FRMD6: variants seen among roughly 807,000 people sequenced by gnomAD.
FRMD6 encodes the protein FERM domain containing 6.
FRMD6 carries 37 observed loss-of-function variants against 73.2 expected under a neutral mutation model. The ratio of observed to expected loss-of-function variants is 0.51; its 90% confidence interval spans 0.39 to 0.66. The LOEUF is 0.66. FRMD6 is among the 30% of genes least tolerant of loss of function. The pLI, the probability that FRMD6 is intolerant of heterozygous loss-of-function variation, is 0.00. For missense variants in FRMD6, 714 were observed against 780.5 expected (o/e 0.91, Z 1.02); for synonymous variants, 273 against 282.2 (o/e 0.97, Z 0.33).
At chr14:51,620,699 A>T (rs946455291) in intron 2 of FRMD6, among the ~76,000 whole-genome samples, 7 of 152,170 alleles carry the variant, frequency 4.6e-5, no homozygotes, top group Admixed American at 1.3e-4. Context: ...CTTGTTGAGC[A>T]GTGGCAGTCC....
At chr14:51,404,406 C>A in the FRMD6 span, among the ~76,000 whole-genome samples, 1 of 151,970 alleles carries the variant, frequency 6.6e-6, no homozygotes, top group Non-Finnish European at 1.5e-5. Flanking sequence ...TTAAAATTTG[C>A]CAAATTTCTC....
intron 1 of FRMD6, among the ~76,000 whole-genome samples, chr14:51,531,026 C>T (rs1487029276): frequency 6.6e-6 from 1 of 152,124 alleles, no homozygotes; most frequent in Non-Finnish European, 1.5e-5. Context: ...GGCAGAAGGG[C>T]AAAGAGGGTG....
chr14:51,680,238 C>T (rs1397672290), intron 1 of FRMD6, among the ~76,000 whole-genome samples: 1 of 152,160 alleles, frequency 6.6e-6, no homozygotes, highest in Non-Finnish European at 1.5e-5. Context: ...CAGGCCTCTC[C>T]ACTAGGGCCC....
Position 51,704,941 on chromosome 14 carries a change from C to T in FRMD6, c.558+6C>T, listed in dbSNP as rs1209685041. 2 of 1,592,294 alleles carry T rather than the reference C, an allele frequency of 1.3e-6. No homozygotes were observed. The highest frequency in any genetic ancestry group is 1.1e-5 in the South Asian group (1 of 90,028). On this transcript the variant is annotated splice_donor_region_variant and intron_variant, in intron 6 of 13. Coordinates refer to ENST00000344768, the MANE Select transcript of FRMD6 (RefSeq NM_001267046.2). ...AGGCTTACTTCCCATCTTGGGTAAG[C>T]ACTGTTTTCAAATTCGAAAGAGTGT...
At chr14:51,436,621 A>G in the FRMD6 span, 1 of 551,712 alleles carries the variant, frequency 1.8e-6, no homozygotes, top group Admixed American at 2.5e-5. Context: ...AAGAAGCAGC[A>G]TGCGGAACTA....
At chr14:51,704,678 T>C in intron 5 of FRMD6, 71 bp from the exon 6 acceptor site, 1 of 1,246,814 alleles carries the variant, frequency 8.0e-7, no homozygotes, top group African/African-American at 1.5e-5. Context: ...GAGAGAAGGA[T>C]TTGGGTTCTG....
intron 1 of FRMD6, among the ~76,000 whole-genome samples, chr14:51,513,460 C>T (rs1021365609): frequency 6.6e-6 from 1 of 152,210 alleles, no homozygotes; most frequent in Admixed American, 6.5e-5. Flanking sequence ...CCATTGACAG[C>T]TACTAAGTCA....
At chr14:51,468,038 C>T in the FRMD6 span, among the ~76,000 whole-genome samples, 6 of 152,066 alleles carry the variant, frequency 3.9e-5, no homozygotes, top group Admixed American at 2.0e-4. Context: ...TCTGCAATCC[C>T]GGCACCTCGG....
chr14:51,410,116 A>G, the FRMD6 span, among the ~76,000 whole-genome samples: 1 of 152,226 alleles, frequency 6.6e-6, no homozygotes, highest in African/African-American at 2.4e-5. Flanking sequence ...TCTGAAACAA[A>G]TTATCCCAAC....
intron 1 of FRMD6, among the ~76,000 whole-genome samples, chr14:51,543,516 T>C (rs1187986599): frequency 6.6e-6 from 1 of 152,042 alleles, no homozygotes; most frequent in Non-Finnish European, 1.5e-5. Context: ...ATTTCACATT[T>C]ACTTTGCTCA....
chr14:51,722,131 T>TG (rs1897659731), intron 12 of FRMD6, 51 bp downstream of exon 12: 1 of 1,600,844 alleles, frequency 6.2e-7, no homozygotes, highest in Non-Finnish European at 8.5e-7. Context: ...TATCCAGGAC[T>TG]GAAAAACACA....
At chr14:51,521,205 G>A (rs1884938020) in intron 1 of FRMD6, among the ~76,000 whole-genome samples, 1 of 152,156 alleles carries the variant, frequency 6.6e-6, no homozygotes, top group African/African-American at 2.4e-5. Flanking sequence ...TATACATTTG[G>A]TGAAACTGTC....
chr14:51,679,774 A>G (rs1364933128), intron 1 of FRMD6, among the ~76,000 whole-genome samples: 1 of 152,134 alleles, frequency 6.6e-6, no homozygotes, highest in Non-Finnish European at 1.5e-5. Flanking sequence ...TAACAGAATT[A>G]TGCTTATTAC....
rs757425756 is a variant in FRMD6, at chr14:51,704,738, T to C, written c.372-11T>C. On this transcript the variant is annotated splice_polypyrimidine_tract_variant and intron_variant, in intron 5 of 13. Coordinates refer to ENST00000344768, the MANE Select transcript of FRMD6 (RefSeq NM_001267046.2). ...TCAAAATGTGAGTTCTGTTTTCTTT[T>C]ATTTTTCTAGTGACAGAGCAGCAAG... is the stretch of plus-strand genomic sequence containing the variant. 26 of 1,599,326 alleles carry C rather than the reference T, an allele frequency of 1.6e-5. No homozygotes were observed. In the South Asian group the frequency reaches 2.8e-4, roughly 17 times the overall value.
chr14:51,436,957 T>A, the FRMD6 span: 1 of 956,440 alleles, frequency 1.0e-6, no homozygotes, highest in Non-Finnish European at 1.6e-6. Flanking sequence ...AAGGAGAAGA[T>A]GACTAACAGA....
At chr14:51,560,362 T>C (rs775116657) in intron 1 of FRMD6, among the ~76,000 whole-genome samples, 7 of 152,204 alleles carry the variant, frequency 4.6e-5, no homozygotes, top group Admixed American at 1.3e-4. Context: ...GTAGTAATAG[T>C]AATATTCATG....
chr14:51,617,486 G>A (rs919095827), intron 2 of FRMD6, among the ~76,000 whole-genome samples: 6 of 152,112 alleles, frequency 3.9e-5, no homozygotes, highest in African/African-American at 1.4e-4. Flanking sequence ...TTGTCAGTGA[G>A]ATAACGAACA....
intron 13 of FRMD6, among the ~76,000 whole-genome samples, chr14:51,727,542 G>A (rs901591191): frequency 9.2e-5 from 14 of 152,102 alleles, no homozygotes; most frequent in Non-Finnish European, 1.6e-4. Flanking sequence ...GTAATTGCTC[G>A]GTAAATGTTA....
chr14:51,411,584 A>C, the FRMD6 span, among the ~76,000 whole-genome samples: 1 of 152,046 alleles, frequency 6.6e-6, no homozygotes, highest in East Asian at 1.9e-4. Flanking sequence ...GATTTCCCTA[A>C]CTCCACTTAT....
Sources: allele counts gnomAD v4.1 joint callset (sites outside exome capture counted in the v4.1 genomes callset), GRCh38; gene constraint gnomAD v4.1.1; transcripts MANE v1.5; gene names NCBI Gene and HGNC (gene_info 2026-07-23, HGNC 2026-07-21).